Variants in IFNAR1 observed in about 807,000 individuals in gnomAD.
The protein encoded by IFNAR1 is interferon alpha and beta receptor subunit 1.
In IFNAR1, 47 loss-of-function variants were observed where a neutral mutation model predicts 62.1. That is an observed-to-expected ratio of 0.76 (90% CI 0.60 to 0.97). The LOEUF is 0.97. Among genes scored for constraint, IFNAR1 ranks in the 50% least tolerant of loss-of-function variants. The pLI is 0.00. For missense variants in IFNAR1, 638 were observed against 654.5 expected, an observed-to-expected ratio of 0.97 and a Z score of 0.27; for synonymous variants, 219 against 226.9, an observed-to-expected ratio of 0.97 and a Z score of 0.31.
At chr21:33,351,758 C>G (rs2083399702) in intron 8 of IFNAR1, among the ~76,000 whole-genome samples, 1 of 151,974 alleles carries the variant, frequency 6.6e-6, no homozygotes, top group Non-Finnish European at 1.5e-5. Context: ...CCACGTTGCC[C>G]AGGCTTTTTT....
At position 33,355,430 on chromosome 21, in the gene IFNAR1, C is replaced by T. The variant is rs1424457015; in HGVS notation, c.1555C>T (p.Gln519Ter). The T allele has an allele frequency of 1.3e-6, 2 of 1,594,448 alleles. No homozygotes were observed. The highest frequency in any genetic ancestry group is 2.2e-5 in the East Asian group (1 of 44,690). Residue 519 changes from glutamine to a stop codon, truncating the protein, a stop_gained, in exon 11 of 11, where the codon CAA becomes TAA. Coordinates refer to ENST00000270139, the MANE Select transcript of IFNAR1 (RefSeq NM_000629.3). LOFTEE classifies it high-confidence loss of function. Reference sequence around the variant, plus strand: ...AATTGCTACAGTAGAAGAAACTAATCAAACTGATGAAGATCATAAAAAATA... The same window carrying T: ...AATTGCTACAGTAGAAGAAACTAATTAAACTGATGAAGATCATAAAAAATA... ...STIATVEETN[Q>*]TDEDHKKYSS...
In IFNAR1 at chr21:33,324,983, A is replaced by G. The variant is rs115105316; in HGVS notation, c.-73A>G. 7.2e-7 allele frequency: 1 copy of G among 1,385,246 alleles called. No homozygotes were observed. The highest frequency in any genetic ancestry group is 1.0e-6 in the Non-Finnish European group (1 of 999,426). The allele number at this position is 1,385,246 out of a possible 1,614,324, so 85.8% of individuals were successfully genotyped here. A position where few individuals can be genotyped will look rare whatever the true frequency, so the allele number is the denominator to read the frequency against. On this transcript the variant is annotated 5_prime_UTR_variant, in exon 1 of 11. Coordinates refer to ENST00000270139, the MANE Select transcript of IFNAR1 (RefSeq NM_000629.3). Reference sequence around the variant, plus strand: ...GTGCAGAGGGGCGGTGTGACTTAGGACGGGGCGATGGCGGCTGAGAGGAGC... The same window carrying G: ...GTGCAGAGGGGCGGTGTGACTTAGGGCGGGGCGATGGCGGCTGAGAGGAGC...
intron 3 of IFNAR1, among the ~76,000 whole-genome samples, chr21:33,341,777 G>A (rs2123682230): frequency 6.6e-6 from 1 of 152,162 alleles, no homozygotes; most frequent in East Asian, 1.9e-4. Context: ...TGCCTCCTGG[G>A]TTCAAGTGAC....
chr21:33,350,202 A>G (rs550784180), intron 8 of IFNAR1, among the ~76,000 whole-genome samples: 29 of 150,252 alleles, frequency 1.9e-4, no homozygotes, highest in Non-Finnish European at 3.4e-4. Context: ...TGTCCAGTGC[A>G]GTGCAGGATG....
intron 1 of IFNAR1, among the ~76,000 whole-genome samples, chr21:33,333,895 A>G (rs2123664638): frequency 6.6e-6 from 1 of 152,178 alleles, no homozygotes; most frequent in Admixed American, 6.5e-5. Context: ...AGTGCGGAAT[A>G]TTTTTTAAAT....
rs1192229831 is a variant in IFNAR1 at position 33,353,718 on chromosome 21, GTCT to G, written c.1380_1382del (p.Phe460del). On this transcript the variant is annotated inframe_deletion, in exon 10 of 11. Coordinates refer to ENST00000270139, the MANE Select transcript of IFNAR1 (RefSeq NM_000629.3). Reference sequence around the variant, plus strand: ...CCCGTTTGTCATTTATGCTGCGAAAGTCTTCTTGAGATGCATCAATTATGTCTT... The same window carrying G: ...CCCGTTTGTCATTTATGCTGCGAAAGTCTTGAGATGCATCAATTATGTCTT... 1 of 1,593,712 alleles carries G rather than the reference GTCT, an allele frequency of 6.3e-7. No homozygotes were observed. Among genetic ancestry groups the G allele is most frequent in the Non-Finnish European group, 8.5e-7 (1 of 1,171,726 alleles).
intron 1 of IFNAR1, among the ~76,000 whole-genome samples, chr21:33,331,501 G>A (rs999262014): frequency 2.0e-5 from 3 of 152,138 alleles, no homozygotes; most frequent in Non-Finnish European, 4.4e-5. Context: ...CCAAATAACT[G>A]TAGTACCCCG....
chr21:33,339,835 G>A (rs2083276982), intron 2 of IFNAR1, among the ~76,000 whole-genome samples: 1 of 150,946 alleles, frequency 6.6e-6, no homozygotes, highest in Admixed American at 6.6e-5. Flanking sequence ...GGCTGAGGCA[G>A]GAGAATTGCT....
intron 1 of IFNAR1, chr21:33,335,180 C>G: frequency 1.9e-6 from 1 of 536,752 alleles, no homozygotes; most frequent in South Asian, 2.1e-5. Flanking sequence ...CAAATTGAGG[C>G]CATAAAACAG....
chr21:33,354,037 T>C (rs1156327140), intron 10 of IFNAR1, among the ~76,000 whole-genome samples: 8 of 152,250 alleles, frequency 5.3e-5, no homozygotes, highest in African/African-American at 1.9e-4. Flanking sequence ...GCATTTGTTT[T>C]ACCGTTTAAA....
rs2083412400 is a variant in IFNAR1, at chr21:33,352,863, A to T, written c.1249A>T (p.Lys417Ter). 6.2e-7 allele frequency: 1 copy of T among 1,604,398 alleles called. No homozygotes were observed. Among genetic ancestry groups the T allele is most frequent in the Non-Finnish European group, 8.5e-7 (1 of 1,173,336 alleles). ...RAHTMDEKLN[K>*]SSVFSDAVCE... is the part of the protein sequence containing the mutation. Reference sequence around the variant, plus strand: ...ACACACCATGGATGAAAAGCTGAATAAAAGCAGTGTTTTTAGTGACGCTGT... The same window carrying T: ...ACACACCATGGATGAAAAGCTGAATTAAAGCAGTGTTTTTAGTGACGCTGT... The change falls in exon 9 of 11, where the codon AAA becomes TAA. Residue 417 changes from lysine to a stop codon, truncating the protein, a stop_gained. Transcript: ENST00000270139. LOFTEE classifies it high-confidence loss of function.
chr21:33,325,131 G>C lies in IFNAR1; in HGVS notation c.76G>C (p.Gly26Arg). 1 of 1,610,622 alleles carries C rather than the reference G, an allele frequency of 6.2e-7. No homozygotes were observed. Among genetic ancestry groups the C allele is most frequent in the African/African-American group, 1.3e-5 (1 of 74,992 alleles). The change falls in exon 1 of 11, where the codon GGT becomes CGT. Residue 26 changes from glycine (G) to arginine (R), a missense_variant and splice_region_variant. Transcript: ENST00000270139. ...GCCATGGGTGTTGTCCGCAGCCGCA[G>C]GTGAGAGGCGGGGAGGAGAGTCTTG... is the stretch of plus-strand genomic sequence containing the variant. ...VAPWVLSAAA[G>R]GKNLKSPQKV...
chr21:33,335,633 A>G lies in IFNAR1; in HGVS notation c.186A>G (p.Ser62=). 6.4e-7 allele frequency: 1 copy of G among 1,570,880 alleles called. No homozygotes were observed. The highest frequency in any genetic ancestry group is 8.6e-7 in the Non-Finnish European group (1 of 1,158,118). Residue 62 remains serine (S), a synonymous_variant, in exon 2 of 11, where the codon TCA becomes TCG. Transcript: ENST00000270139. The part of the protein sequence containing the change: ...SDESVGNVTF[S]FDYQKTGMDN... ...AGTCTGTCGGGAATGTGACTTTTTC[A>G]TTCGATTATCAAAAGTATGTGACTC...
intron 1 of IFNAR1, among the ~76,000 whole-genome samples, chr21:33,333,694 G>A: frequency 6.8e-6 from 1 of 147,584 alleles, no homozygotes; most frequent in African/African-American, 2.6e-5. Flanking sequence ...CGCGATCTCG[G>A]CTCACTGCAA....
At position 33,355,684 on chromosome 21, in the gene IFNAR1, T is replaced by C. The variant is rs2083441294; in HGVS notation, c.*135T>C. On this transcript the variant is annotated 3_prime_UTR_variant, in exon 11 of 11. Coordinates refer to ENST00000270139, the MANE Select transcript of IFNAR1 (RefSeq NM_000629.3). ...GGAAAGAAAAAACATCTTCAGATCA[T>C]AGGTCCTAAAAATACGGGCAAGCTC... The C allele has an allele frequency of 3.8e-6, 2 of 522,006 alleles. No individual in the cohort carries two copies. The highest frequency in any genetic ancestry group is 6.8e-6 in the Non-Finnish European group (2 of 294,910). 32.3% of individuals were successfully genotyped at this position (522,006 alleles called of 1,614,324 possible).
Position 33,341,080 on chromosome 21 carries a change from G to T in IFNAR1, c.282G>T (p.Leu94=). Residue 94 remains leucine (L), a synonymous_variant, in exon 3 of 11, where the codon CTG becomes CTT. Coordinates refer to ENST00000270139, the MANE Select transcript of IFNAR1 (RefSeq NM_000629.3). ...STKCNFSSLK[L]NVYEEIKLRI... ...AATGCAACTTTTCTTCACTCAAGCTGAATGTTTATGAAGAAATTAAATTGC... is the reference window on the plus strand; with the variant it reads ...AATGCAACTTTTCTTCACTCAAGCTTAATGTTTATGAAGAAATTAAATTGC... 6.2e-7 allele frequency: 1 copy of T among 1,612,258 alleles called. No homozygotes were observed. Among genetic ancestry groups the T allele is most frequent in the South Asian group, 1.1e-5 (1 of 91,026 alleles).
At chr21:33,348,618 A>G (rs1219287154) in intron 6 of IFNAR1, among the ~76,000 whole-genome samples, 1 of 152,136 alleles carries the variant, frequency 6.6e-6, no homozygotes, top group African/African-American at 2.4e-5. Context: ...CCTGGCCAAC[A>G]TGACGAAACC....
At chr21:33,335,765 C>T (rs565658877) in intron 2 of IFNAR1, 118 bp downstream of exon 2, 28 of 799,646 alleles carry the variant, frequency 3.5e-5, no homozygotes, top group South Asian at 2.3e-4. Context: ...AGAAATGTTA[C>T]GCCTATTTTA....
At chr21:33,330,176 AAC>A (rs2083162424) in intron 1 of IFNAR1, among the ~76,000 whole-genome samples, 1 of 152,202 alleles carries the variant, frequency 6.6e-6, no homozygotes, top group African/African-American at 2.4e-5. Context: ...GGCAAAAAGA[AAC>A]ACACCATCCA....
Sources: allele counts gnomAD v4.1 joint callset (sites outside exome capture counted in the v4.1 genomes callset), GRCh38; gene constraint gnomAD v4.1.1; transcripts MANE v1.5; gene names NCBI Gene and HGNC (gene_info 2026-07-23, HGNC 2026-07-21).